The following RBP7 variants were observed in gnomAD, a reference collection of about 807,000 sequenced individuals.
RBP7 encodes the protein retinol binding protein 7, also known as retinoid-binding protein 7.
A neutral mutation model predicts 16.7 loss-of-function variants in RBP7; 13 were observed. The ratio of observed to expected loss-of-function variants is 0.78; its 90% CI spans 0.51 to 1.24. RBP7 has a LOEUF of 1.24. RBP7 is among the 50% of genes most tolerant of loss of function. RBP7 has a pLI of 0.00. For synonymous variants in RBP7, 54 were observed against 56.2 expected (o/e 0.96, Z 0.17); for missense variants, 145 against 159.5 (o/e 0.91, Z 0.49).
At chr1:9,998,416 T>TTG (rs1642212083) in intron 1 of RBP7, among the ~76,000 whole-genome samples, 1 of 147,504 alleles carries the variant, frequency 6.8e-6, no homozygotes, top group African/African-American at 2.5e-5. Context: ...TCTTTTTTTT[T>TTG]TTTTTTTTTG....
At position 10,007,581 on chromosome 1, in the gene RBP7, G is replaced by A; in HGVS notation, c.85G>A (p.Ala29Thr). Residue 29 changes from alanine (A) to threonine (T), a missense_variant, in exon 2 of 4, where the codon GCC (alanine) becomes ACC (threonine). Coordinates refer to ENST00000294435, the MANE Select transcript of RBP7 (RefSeq NM_052960.3). ...AAATTATTTTTAAGGTATTGACTTTGCCACTCGTAAAATAGCCAAGTTGCT... is the reference window on the plus strand; with the variant it reads ...AAATTATTTTTAAGGTATTGACTTTACCACTCGTAAAATAGCCAAGTTGCT... ...GYMLALGIDF[A>T]TRKIAKLLKP... The A allele has an allele frequency of 6.2e-7, 1 of 1,606,018 alleles. No individual in the cohort carries two copies. Among genetic ancestry groups the A allele is most frequent in the African/African-American group, 1.3e-5 (1 of 74,478 alleles).
chr1:10,002,551 G>C (rs565838576), intron 1 of RBP7, among the ~76,000 whole-genome samples: 1 of 152,082 alleles, frequency 6.6e-6, no homozygotes, highest in Admixed American at 6.6e-5. Flanking sequence ...CCAGGCTGGA[G>C]TGTAGTGGCA....
intron 1 of RBP7, among the ~76,000 whole-genome samples, chr1:10,006,066 C>G (rs1271202933): frequency 6.6e-6 from 1 of 152,150 alleles, no homozygotes; most frequent in Non-Finnish European, 1.5e-5. Context: ...CCCGCTGAGA[C>G]GTCACCTGGC....
rs529915973 is a variant in RBP7 at position 10,010,204 on chromosome 1, C to T, written c.354+1930C>T. On this transcript the variant is annotated intron_variant, in intron 3 of 3. Transcript: ENST00000294435. ...GATCTCAGCTCGCTGCAAACTCTGC[C>T]TTCTGGGTTCAAGCAATTCTCCTGT... Among the ~76,000 whole-genome samples the T allele has an allele frequency of 3.9e-5, 6 of 152,244 alleles. No individual in the cohort carries two copies. In the South Asian group the frequency reaches 1.0e-3, roughly 26 times the overall value.
intron 1 of RBP7, chr1:10,004,431 A>C (rs772338766): frequency 6.6e-6 from 1 of 152,304 alleles, no homozygotes; most frequent in Non-Finnish European, 1.5e-5. Flanking sequence ...GCTGGAGTGC[A>C]ATGGTGCAAT....
At chr1:10,013,080 T>TC (rs1458629647) in intron 3 of RBP7, among the ~76,000 whole-genome samples, 2 of 145,586 alleles carry the variant, frequency 1.4e-5, no homozygotes, top group African/African-American at 4.9e-5. Context: ...CATGATTTTT[T>TC]TTTTTTTTTT....
At chr1:10,013,355 G>A (rs374724190) in intron 3 of RBP7, among the ~76,000 whole-genome samples, 2 of 152,202 alleles carry the variant, frequency 1.3e-5, no homozygotes, top group East Asian at 3.9e-4. Context: ...TTACAGGCAT[G>A]AGCCACCGCG....
intron 2 of RBP7, 120 bp from the exon 3 acceptor site, chr1:10,008,053 C>CA (rs372996268): frequency 0.038 from 20,913 of 547,302 alleles, 4 homozygotes; most frequent in Middle Eastern, 0.042. Flanking sequence ...GACTCCATCT[C>CA]AAAAAAAAAA....
intron 1 of RBP7, among the ~76,000 whole-genome samples, chr1:10,003,048 G>A (rs1642323613): frequency 6.6e-6 from 1 of 152,108 alleles, no homozygotes; most frequent in African/African-American, 2.4e-5. Context: ...CCATTGCCAT[G>A]GCAACACCTG....
intron 1 of RBP7, among the ~76,000 whole-genome samples, chr1:9,998,412 T>TTCTTTCTTTCTTTCTTTC (rs1557482714): frequency 7.1e-6 from 1 of 141,020 alleles, no homozygotes; most frequent in African/African-American, 2.6e-5. Flanking sequence ...TCTTTCTTTT[T>TTCTTTCTTTCTTTCTTTC]TTTTTTTTTT....
intron 1 of RBP7, among the ~76,000 whole-genome samples, chr1:10,006,509 C>G (rs1005282807): frequency 4.0e-5 from 6 of 150,710 alleles, no homozygotes; most frequent in Admixed American, 1.3e-4. Flanking sequence ...GATCCTGTCT[C>G]AAAAAAAGAA....
intron 3 of RBP7, 21 bp from the exon 4 acceptor site, chr1:10,015,761 C>A: frequency 6.2e-7 from 1 of 1,611,188 alleles, no homozygotes; most frequent in South Asian, 1.1e-5. Context: ...CCTTCTTTTT[C>A]CCTTCCTCCT....
chr1:10,006,959 T>A, intron 1 of RBP7: 1 of 441,468 alleles, frequency 2.3e-6, no homozygotes. Flanking sequence ...TTCTTTCTTT[T>A]TTTTTGAGAT....
rs1471079367 is a variant in RBP7 at position 10,015,791 on chromosome 1, T to C, written c.364T>C (p.Cys122Arg). 1 of 1,614,026 alleles carries C rather than the reference T, an allele frequency of 6.2e-7. No homozygotes were observed. Among genetic ancestry groups the C allele is most frequent in the Non-Finnish European group, 8.5e-7 (1 of 1,179,986 alleles). The stretch of plus-strand genomic sequence containing the variant: ...CCTCCTTACGCCCTAGGAAATGTTC[T>C]GTGAAGGTCAAGTGTGCAAACAGAC... ...EGDKLHLEMF[C>R]EGQVCKQTFQ... Residue 122 changes from cysteine to arginine, a missense_variant, in exon 4 of 4, where the codon TGT (cysteine) becomes CGT (arginine). Coordinates refer to ENST00000294435, the MANE Select transcript of RBP7 (RefSeq NM_052960.3).
intron 3 of RBP7, among the ~76,000 whole-genome samples, chr1:10,011,849 G>T (rs1162661923): frequency 2.0e-5 from 3 of 152,262 alleles, no homozygotes; most frequent in Non-Finnish European, 4.4e-5. Context: ...CTGAGGTCAG[G>T]AGTTCGAGAC....
chr1:10,001,973 C>A (rs1368325711), intron 1 of RBP7, among the ~76,000 whole-genome samples: 1 of 152,090 alleles, frequency 6.6e-6, no homozygotes, highest in Admixed American at 6.6e-5. Context: ...GGATTACAGG[C>A]ACACGCCCCC....
At chr1:10,010,112 T>C (rs1642573687) in intron 3 of RBP7, among the ~76,000 whole-genome samples, 1 of 151,942 alleles carries the variant, frequency 6.6e-6, no homozygotes, top group South Asian at 2.1e-4. Flanking sequence ...TTTTACAGCC[T>C]GTTTTGTTTT....
At chr1:10,008,311 G>C in intron 3 of RBP7, 37 bp downstream of exon 3, 1 of 1,380,354 alleles carries the variant, frequency 7.2e-7, no homozygotes, top group South Asian at 1.2e-5. Flanking sequence ...AGATGATACA[G>C]TATTAAAGGA....
At position 10,012,699 on chromosome 1, in the gene RBP7, C is replaced by T. The variant is rs1345090389; in HGVS notation, c.355-3083C>T. 5.3e-5 allele frequency among the ~76,000 whole-genome samples: 8 copies of T among 151,446 alleles called. No homozygotes were observed. The East Asian group carries it at 7.8e-4, about 15-fold the overall frequency. ...TGTAATCCCAGCACTTTTGAGAGGC[C>T]GAGGCAGGTGGATCACCTGAGGTCA... On this transcript the variant is annotated intron_variant, in intron 3 of 3. Transcript: ENST00000294435.
Sources: gnomAD v4.1 joint callset for allele counts (sites outside exome capture counted in the v4.1 genomes callset) on GRCh38, gnomAD v4.1.1 for gene constraint, MANE v1.5 for transcripts, NCBI Gene and HGNC (gene_info 2026-07-23, HGNC 2026-07-21) for gene names.